The following COL28A1 variants were observed in gnomAD, a reference collection of about 807,000 sequenced individuals.
COL28A1 encodes collagen type XXVIII alpha 1 chain.
In COL28A1, 161 loss-of-function variants were observed where a neutral mutation model predicts 150.2. The observed-to-expected ratio is 1.07, with a 90% confidence interval of 0.94 to 1.22. COL28A1 has a LOEUF of 1.22. Among genes scored for constraint, COL28A1 ranks in the 50% most tolerant of loss-of-function variants. The probability of loss-of-function intolerance (pLI) is 0.00; values close to 1 mark genes in which losing one functional copy is unlikely to be tolerated. For missense variants in COL28A1, 1,617 were observed against 1,388.3 expected, an observed-to-expected ratio of 1.16 and a Z score of -2.62; for synonymous variants, 552 against 469.7, an observed-to-expected ratio of 1.18 and a Z score of -2.26.
chr7:7,427,694 G>T (rs1437683537), intron 25 of COL28A1, among the ~76,000 whole-genome samples: 1 of 152,134 alleles, frequency 6.6e-6, no homozygotes, highest in East Asian at 1.9e-4. Flanking sequence ...GTCAAATAAA[G>T]CATGTATTTA....
intron 30 of COL28A1, among the ~76,000 whole-genome samples, chr7:7,375,813 T>C (rs1781509844): frequency 6.6e-6 from 1 of 152,198 alleles, no homozygotes; most frequent in South Asian, 2.1e-4. Context: ...GATTAATCAA[T>C]GTTATGCACA....
intron 13 of COL28A1, among the ~76,000 whole-genome samples, chr7:7,481,838 C>A (rs1483313982): frequency 6.6e-6 from 1 of 151,990 alleles, no homozygotes; most frequent in South Asian, 2.1e-4. Context: ...GTGCCATCTA[C>A]TTTATTTTTT....
At chr7:7,509,458 C>T (rs1232139487) in intron 9 of COL28A1, among the ~76,000 whole-genome samples, 1 of 152,102 alleles carries the variant, frequency 6.6e-6, no homozygotes, top group African/African-American at 2.4e-5. Flanking sequence ...ATTTTAATTT[C>T]CACTTCTCTA....
chr7:7,524,200 T>G (rs781322984), intron 4 of COL28A1, 29 bp downstream of exon 4: 1 of 1,087,334 alleles, frequency 9.2e-7, no homozygotes, highest in Non-Finnish European at 1.4e-6. Flanking sequence ...TTGGAGTAAT[T>G]CGTAGTAATC....
chr7:7,521,891 G>C lies in COL28A1; in HGVS notation c.759+14C>G, dbSNP rs781125504. On this transcript the variant is annotated intron_variant, in intron 5 of 34. Transcript: ENST00000399429. ...GGACTTTCTGACTTAAGTTCAAAGT[G>C]GAAGTATACTCACAGGAGGCCCTGG... 1 of 971,720 alleles carries C rather than the reference G, an allele frequency of 1.0e-6. No homozygotes were observed. The highest frequency in any genetic ancestry group is 1.3e-5 in the South Asian group (1 of 78,344). The allele number at this position is 971,720 out of a possible 1,614,324, so 60.2% of individuals were successfully genotyped here. A position where few individuals can be genotyped will look rare whatever the true frequency, so the allele number is the denominator to read the frequency against.
At chr7:7,352,597 A>G (rs917874434), downstream of COL28A1, among the ~76,000 whole-genome samples, 2 of 152,198 alleles carry the variant, frequency 1.3e-5, no homozygotes, top group Non-Finnish European at 2.9e-5. Context: ...TAGAGGAACT[A>G]TGCGCCAAGG....
At chr7:7,516,633 T>C (rs1781428866) in intron 7 of COL28A1, among the ~76,000 whole-genome samples, 1 of 152,234 alleles carries the variant, frequency 6.6e-6, no homozygotes, top group South Asian at 2.1e-4. Flanking sequence ...AATATGGAAA[T>C]AGAATTGTCA....
At chr7:7,376,819 T>C (rs1192178513) in intron 30 of COL28A1, among the ~76,000 whole-genome samples, 1 of 152,216 alleles carries the variant, frequency 6.6e-6, no homozygotes, top group Non-Finnish European at 1.5e-5. Flanking sequence ...ACTTGATTAC[T>C]GAAATTGAAT....
intron 3 of COL28A1, among the ~76,000 whole-genome samples, chr7:7,530,435 G>C (rs1782284624): frequency 6.6e-6 from 1 of 152,140 alleles, no homozygotes; most frequent in Non-Finnish European, 1.5e-5. Context: ...TAGAGCCTGA[G>C]TTTTCTGTGC....
At chr7:7,358,872 G>A (rs1780474888) in intron 34 of COL28A1, 67 bp from the exon 35 acceptor site, 6 of 1,296,578 alleles carry the variant, frequency 4.6e-6, no homozygotes, top group Non-Finnish European at 5.4e-6. Context: ...AATAAAAACT[G>A]TATAAAGTTA....
At position 7,506,194 on chromosome 7, in the gene COL28A1, A is replaced by G. The variant is rs77689301; in HGVS notation, c.973-127T>C. The stretch of plus-strand genomic sequence containing the variant: ...CTGTGTAACTCAGAGCTAAATTGAA[A>G]TCACATTCAATCGAGAAGTGGGATG... On this transcript the variant is annotated intron_variant, in intron 10 of 34. Transcript: ENST00000399429. 2,641 of 599,852 alleles carry G rather than the reference A, an allele frequency of 4.4e-3. 23 individuals carry two copies. Among genetic ancestry groups the G allele is most frequent in the Non-Finnish European group, 3.9e-3 (1,290 of 326,776 alleles). The allele number at this position is 599,852 out of a possible 1,614,324, so 37.2% of individuals were successfully genotyped here. A position where few individuals can be genotyped will look rare whatever the true frequency, so the allele number is the denominator to read the frequency against.
intron 25 of COL28A1, among the ~76,000 whole-genome samples, chr7:7,421,889 C>G (rs1244444511): frequency 1.3e-5 from 2 of 152,266 alleles, no homozygotes; most frequent in African/African-American, 4.8e-5. Flanking sequence ...CTCTTTAACA[C>G]CTCTCTCCTA....
intron 27 of COL28A1, among the ~76,000 whole-genome samples, chr7:7,401,975 AG>A (rs1309344305): frequency 1.3e-5 from 2 of 152,236 alleles, no homozygotes; most frequent in African/African-American, 4.8e-5. Context: ...CTAAACATGC[AG>A]GATTCAATGT....
intron 27 of COL28A1, among the ~76,000 whole-genome samples, chr7:7,414,210 C>A (rs1419589629): frequency 1.3e-5 from 2 of 152,228 alleles, no homozygotes; most frequent in African/African-American, 4.8e-5. Flanking sequence ...AGACCCATTC[C>A]TTCTCCCTTC....
chr7:7,359,111 G>A (rs1780491381), intron 34 of COL28A1, among the ~76,000 whole-genome samples: 1 of 152,002 alleles, frequency 6.6e-6, no homozygotes, highest in Non-Finnish European at 1.5e-5. Flanking sequence ...TAATACTTTT[G>A]TGGGGATTAG....
chr7:7,519,321 C>G (rs1011914635), intron 6 of COL28A1, among the ~76,000 whole-genome samples: 3 of 152,194 alleles, frequency 2.0e-5, no homozygotes, highest in African/African-American at 7.2e-5. Context: ...ATTTAATTAC[C>G]TCCCACCAGT....
chr7:7,383,145 CCTA>C (rs1781958164), intron 27 of COL28A1, among the ~76,000 whole-genome samples: 1 of 152,052 alleles, frequency 6.6e-6, no homozygotes, highest in Non-Finnish European at 1.5e-5. Flanking sequence ...CATCCCCAAT[CCTA>C]TTTCTCTGAG....
intron 21 of COL28A1, among the ~76,000 whole-genome samples, chr7:7,439,255 A>T (rs1315751083): frequency 1.3e-5 from 2 of 152,190 alleles, no homozygotes; most frequent in Non-Finnish European, 1.5e-5. Context: ...CAAGCTGAGC[A>T]CACTGGCCCA....
intron 9 of COL28A1, 74 bp downstream of exon 9, chr7:7,511,017 C>A: frequency 8.4e-7 from 1 of 1,192,238 alleles, no homozygotes; most frequent in Non-Finnish European, 1.3e-6. Context: ...TAATTCAGCC[C>A]AGGAATTTCC....
Sources: gnomAD v4.1 joint callset for allele counts (sites outside exome capture counted in the v4.1 genomes callset) on GRCh38, gnomAD v4.1.1 for gene constraint, MANE v1.5 for transcripts, NCBI Gene and HGNC (gene_info 2026-07-23, HGNC 2026-07-21) for gene names.